The following SAMMSON variants were observed in gnomAD, a reference collection of about 807,000 sequenced individuals.
The protein encoded by SAMMSON is survival associated mitochondrial melanoma specific oncogenic non-coding RNA.
In SAMMSON at chr3:70,004,699, A is replaced by G. The variant is rs185902169; in HGVS notation, n.22+4832A>G. On this transcript the variant is annotated intron_variant and non_coding_transcript_variant, in intron 1 of 9. Coordinates refer to ENST00000642114, the Ensembl canonical transcript of SAMMSON. ...AGCATACAAAATACAATGCAACATAACTGCATTGGTCACAAGTTATAGTTT... is the reference window on the plus strand; with the variant it reads ...AGCATACAAAATACAATGCAACATAGCTGCATTGGTCACAAGTTATAGTTT... Among the ~76,000 whole-genome samples the G allele has an allele frequency of 8.5e-5, 13 of 152,360 alleles. No individual in the cohort carries two copies. In the East Asian group the frequency reaches 2.5e-3, roughly 29 times the overall value.
chr3:70,228,454 A>G (rs1202441437), intron 4 of SAMMSON, among the ~76,000 whole-genome samples: 2 of 151,896 alleles, frequency 1.3e-5, no homozygotes, highest in East Asian at 3.9e-4. Context: ...ACTGATAGAG[A>G]TTCAGAAATA....
In SAMMSON at chr3:70,007,021, C is replaced by G. The variant is rs564578326; in HGVS notation, n.23-5336C>G. On this transcript the variant is annotated intron_variant and non_coding_transcript_variant, in intron 1 of 9. Transcript: ENST00000642114. Reference sequence around the variant, plus strand: ...CATAGTATTCCATGGTGTATATGTGCCACATTTTCTTCATCCAGTCTATCA... The same window carrying G: ...CATAGTATTCCATGGTGTATATGTGGCACATTTTCTTCATCCAGTCTATCA... Among the ~76,000 whole-genome samples, 4 of 152,104 alleles carry G rather than the reference C, an allele frequency of 2.6e-5. No homozygotes were observed. The South Asian group carries it at 8.3e-4, about 32-fold the overall frequency.
At chr3:70,278,997 T>G (rs1392297697) in intron 6 of SAMMSON, among the ~76,000 whole-genome samples, 1 of 151,246 alleles carries the variant, frequency 6.6e-6, no homozygotes, top group African/African-American at 2.4e-5. Context: ...TCTGAGAAAA[T>G]CCGTCTATAT....
At chr3:70,399,126 C>T (rs1701115595) in intron 2 of SAMMSON, among the ~76,000 whole-genome samples, 2 of 152,244 alleles carry the variant, frequency 1.3e-5, no homozygotes, top group Admixed American at 1.3e-4. Flanking sequence ...AGCAGCCACC[C>T]CATATTTCCT....
At chr3:70,181,014 GT>G (rs1701049517) in intron 4 of SAMMSON, among the ~76,000 whole-genome samples, 1 of 152,186 alleles carries the variant, frequency 6.6e-6, no homozygotes. Context: ...CTTGCACGGG[GT>G]CAGATCTTCC....
At chr3:70,189,906 A>G (rs2106710976) in intron 4 of SAMMSON, among the ~76,000 whole-genome samples, 1 of 152,158 alleles carries the variant, frequency 6.6e-6, no homozygotes, top group East Asian at 1.9e-4. Context: ...AGAGAATGAG[A>G]TGTTTTGGGA....
At chr3:70,378,246 C>G (rs895231381) in intron 9 of SAMMSON, among the ~76,000 whole-genome samples, 12 of 151,688 alleles carry the variant, frequency 7.9e-5, no homozygotes, top group African/African-American at 2.9e-4. Flanking sequence ...AATGTCTCAC[C>G]CATATTAGGA....
intron 4 of SAMMSON, among the ~76,000 whole-genome samples, chr3:70,157,855 C>T (rs1043752178): frequency 6.6e-6 from 1 of 152,058 alleles, no homozygotes; most frequent in African/African-American, 2.4e-5. Context: ...GAGGCAAAAT[C>T]ACTTGCTTCA....
intron 4 of SAMMSON, among the ~76,000 whole-genome samples, chr3:70,139,229 G>A (rs1375180537): frequency 6.6e-6 from 1 of 152,160 alleles, no homozygotes; most frequent in Admixed American, 6.5e-5. Flanking sequence ...TAGAGATGGG[G>A]TCTTGCTATA....
At chr3:70,338,554 C>T (rs559446640) in intron 7 of SAMMSON, among the ~76,000 whole-genome samples, 18 of 152,268 alleles carry the variant, frequency 1.2e-4, no homozygotes, top group Admixed American at 5.2e-4. Context: ...CCAGCAAAGT[C>T]TCAGAATACA....
At chr3:70,034,335 G>A (rs2067077495) in intron 3 of SAMMSON, among the ~76,000 whole-genome samples, 1 of 152,134 alleles carries the variant, frequency 6.6e-6, no homozygotes, top group South Asian at 2.1e-4. Context: ...GCTATATTTA[G>A]TAAAATAATT....
intron 2 of SAMMSON, among the ~76,000 whole-genome samples, chr3:70,414,444 A>G (rs952698124): frequency 2.6e-5 from 4 of 152,154 alleles, no homozygotes; most frequent in African/African-American, 9.6e-5. Flanking sequence ...CAGTATCGCA[A>G]TAAAAGGCAT....
At chr3:70,111,664 A>T (rs2067389979) in intron 4 of SAMMSON, among the ~76,000 whole-genome samples, 1 of 152,200 alleles carries the variant, frequency 6.6e-6, no homozygotes, top group South Asian at 2.1e-4. Context: ...TAAAGAGGAT[A>T]TTACATAAGT....
At chr3:70,334,475 A>G (rs1338483261) in intron 7 of SAMMSON, among the ~76,000 whole-genome samples, 1 of 151,998 alleles carries the variant, frequency 6.6e-6, no homozygotes, top group African/African-American at 2.4e-5. Context: ...ATGTTTCACT[A>G]GTAGGGATTT....
At chr3:70,104,398 A>C (rs1347183859) in intron 4 of SAMMSON, among the ~76,000 whole-genome samples, 2 of 152,054 alleles carry the variant, frequency 1.3e-5, no homozygotes, top group South Asian at 4.2e-4. Context: ...GAAATCATGC[A>C]TGCAAGGGAT....
chr3:70,179,075 G>A (rs6549291), intron 4 of SAMMSON, among the ~76,000 whole-genome samples: 127,968 of 152,154 alleles, frequency 0.84, 54,420 homozygotes, highest in African/African-American at 0.92. Context: ...TTTGCCTCTG[G>A]CATCACAATA....
intron 4 of SAMMSON, among the ~76,000 whole-genome samples, chr3:70,243,874 A>G (rs569222679): frequency 7.2e-4 from 109 of 152,310 alleles, no homozygotes; most frequent in Non-Finnish European, 1.3e-3. Context: ...TGTATCACAC[A>G]TCCCTGGAGA....
intron 9 of SAMMSON, among the ~76,000 whole-genome samples, chr3:70,386,681 T>C (rs897381194): frequency 2.0e-5 from 3 of 152,108 alleles, no homozygotes; most frequent in African/African-American, 7.2e-5. Context: ...TGGTTATTAA[T>C]TGAGTCAAAT....
intron 2 of SAMMSON, among the ~76,000 whole-genome samples, chr3:70,415,070 G>A (rs1458592968): frequency 1.3e-5 from 2 of 152,114 alleles, no homozygotes; most frequent in African/African-American, 4.8e-5. Flanking sequence ...ACTGTAAAAT[G>A]AGGGGGGGTC....
Sources: gnomAD v4.1 joint callset for allele counts (sites outside exome capture counted in the v4.1 genomes callset) on GRCh38, gnomAD v4.1.1 for gene constraint, MANE v1.5 for transcripts, NCBI Gene and HGNC (gene_info 2026-07-23, HGNC 2026-07-21) for gene names.